The following CLDN16 variants were observed in gnomAD, a reference collection of about 807,000 sequenced individuals.
CLDN16 encodes the protein claudin-16.
A neutral mutation model predicts 24.6 loss-of-function variants in CLDN16; 13 were observed. That is an observed-to-expected ratio of 0.53 (90% confidence interval 0.34 to 0.84). The LOEUF is 0.84. Among genes scored for constraint, CLDN16 ranks in the 40% least tolerant of loss-of-function variants. The pLI is 0.01. For synonymous variants in CLDN16, 116 were observed against 106.7 expected, an observed-to-expected ratio of 1.09 and a Z score of -0.54; for missense variants, 298 against 292.7, an observed-to-expected ratio of 1.02 and a Z score of -0.13.
At chr3:190,296,766 G>T in the CLDN16 span, among the ~76,000 whole-genome samples, 1 of 151,974 alleles carries the variant, frequency 6.6e-6, no homozygotes, top group Admixed American at 6.6e-5. Flanking sequence ...TAGCCAGGAT[G>T]GTCTCGATCT....
In CLDN16 at chr3:190,402,352, C is replaced by A; in HGVS notation, c.130C>A (p.Arg44=). 1 of 1,613,780 alleles carries A rather than the reference C, an allele frequency of 6.2e-7. No homozygotes were observed. Among genetic ancestry groups the A allele is most frequent in the South Asian group, 1.1e-5 (1 of 91,076 alleles). ...TAACATCTAGGTGAGCACAAAATGC[C>A]GAGGCCTCTGGTGGGAATGCGTCAC... ...DDSLEVSTKC[R]GLWWECVTNA... is the part of the protein sequence containing the mutation. Residue 44 remains arginine (R), a synonymous_variant, in exon 2 of 5, where the codon CGA becomes AGA. Transcript: ENST00000264734.
At position 190,324,203 on chromosome 3, in the gene CLDN16, C is replaced by A. The variant is rs559717605; in HGVS notation, n.121+1542C>A. 1.7e-3 allele frequency among the ~76,000 whole-genome samples: 264 copies of A among 152,294 alleles called. 2 individuals carry two copies. Among genetic ancestry groups the A allele is most frequent in the Non-Finnish European group, 2.9e-3 (198 of 68,024 alleles). ...AAACACCCGGGCACGGTGGCTCAGG[C>A]CAGGCGCAGTGGCTCACGCCTGTAA... On this transcript the variant is annotated intron_variant and non_coding_transcript_variant, in intron 1 of 4. Transcript: ENST00000468220.
chr3:190,391,583 CA>C (rs1404520019), intron 1 of CLDN16, among the ~76,000 whole-genome samples: 6 of 152,078 alleles, frequency 3.9e-5, no homozygotes, highest in African/African-American at 1.2e-4. Context: ...TAAAGCATTT[CA>C]AATTGTAGAA....
At position 190,392,313 on chromosome 3, in the gene CLDN16, ACTCT is replaced by A. The variant is rs556909181; in HGVS notation, c.114+3877_114+3880del. ...CTCTCTCTTTTCCTCCCTTTTCTTA[ACTCT>A]CTCTCTTTCCCTCCTATATCCTTCT... On this transcript the variant is annotated intron_variant, in intron 1 of 4. Transcript: ENST00000264734. 3.8e-5 allele frequency among the ~76,000 whole-genome samples: 5 copies of A among 132,198 alleles called. No individual in the cohort carries two copies. The South Asian group carries it at 1.2e-3, about 32-fold the overall frequency. The allele number at this position is 132,198 out of a possible 152,430, so 86.7% of individuals were successfully genotyped here.
intron 3 of CLDN16, among the ~76,000 whole-genome samples, chr3:190,380,994 T>C (rs966727969): frequency 9.9e-5 from 15 of 151,936 alleles, no homozygotes; most frequent in Admixed American, 9.9e-4. Context: ...TGAGTACAAG[T>C]TGCACCCTAA....
At chr3:190,339,313 C>G (rs1404475067) in intron 1 of CLDN16, among the ~76,000 whole-genome samples, 1 of 152,166 alleles carries the variant, frequency 6.6e-6, no homozygotes, top group Non-Finnish European at 1.5e-5. Flanking sequence ...GGCTGGGTTT[C>G]TCTATGGAGA....
chr3:190,363,556 G>GTGTATATATATATATATATATA (rs1301414615), intron 1 of CLDN16, among the ~76,000 whole-genome samples: 5 of 87,394 alleles, frequency 5.7e-5, no homozygotes, highest in African/African-American at 2.4e-4. Flanking sequence ...GTGTGTGTGT[G>GTGTATATATATATATATATATA]TATATATATA....
chr3:190,296,050 G>C, the CLDN16 span, among the ~76,000 whole-genome samples: 1 of 151,986 alleles, frequency 6.6e-6, no homozygotes, highest in Non-Finnish European at 1.5e-5. Flanking sequence ...GAGCCTCATT[G>C]ATCTGACTTG....
At chr3:190,386,456 C>T (rs563709784), upstream of CLDN16, among the ~76,000 whole-genome samples, 14 of 152,028 alleles carry the variant, frequency 9.2e-5, no homozygotes, top group Non-Finnish European at 1.8e-4. Context: ...ACACACTATA[C>T]GCAACAGTAG....
At chr3:190,301,501 AAGAAG>A in the CLDN16 span, among the ~76,000 whole-genome samples, 469 of 128,254 alleles carry the variant, frequency 3.7e-3, 2 homozygotes, top group Middle Eastern at 0.016. Flanking sequence ...CTCAAAAAAA[AAGAAG>A]AAGAAGAAGA....
At chr3:190,402,105 C>T (rs990356250) in intron 1 of CLDN16, among the ~76,000 whole-genome samples, 1 of 152,130 alleles carries the variant, frequency 6.6e-6, no homozygotes, top group Non-Finnish European at 1.5e-5. Flanking sequence ...TATTTCTCTA[C>T]CCCCACCCTT....
chr3:190,316,483 G>A, the CLDN16 span, among the ~76,000 whole-genome samples: 1 of 152,196 alleles, frequency 6.6e-6, no homozygotes, highest in Non-Finnish European at 1.5e-5. Flanking sequence ...CAAGGCGTAG[G>A]TAATGATAGG....
At chr3:190,409,253 C>CACACACGTATATGT (rs1560100170) in intron 4 of CLDN16, among the ~76,000 whole-genome samples, 211 of 107,072 alleles carry the variant, frequency 2.0e-3, no homozygotes, top group African/African-American at 8.6e-3. Context: ...CACGTATATG[C>CACACACGTATATGT]ATGTATATAT....
At chr3:190,359,607 A>G (rs917606771) in intron 1 of CLDN16, among the ~76,000 whole-genome samples, 1 of 152,052 alleles carries the variant, frequency 6.6e-6, no homozygotes, top group Non-Finnish European at 1.5e-5. Flanking sequence ...AAGAGGATAT[A>G]CAATGCTCAA....
At chr3:190,294,873 G>C in the CLDN16 span, among the ~76,000 whole-genome samples, 1 of 151,972 alleles carries the variant, frequency 6.6e-6, no homozygotes, top group African/African-American at 2.4e-5. Context: ...TAAATATGAG[G>C]ATTAAATCAT....
At chr3:190,387,483 A>G (rs754540741), upstream of CLDN16, among the ~76,000 whole-genome samples, 1 of 152,234 alleles carries the variant, frequency 6.6e-6, no homozygotes, top group South Asian at 2.1e-4. Context: ...ATGCTATTCT[A>G]AGCGACTTAC....
At chr3:190,379,526 C>T (rs1490524616) in intron 3 of CLDN16, among the ~76,000 whole-genome samples, 2 of 152,040 alleles carry the variant, frequency 1.3e-5, no homozygotes, top group Non-Finnish European at 2.9e-5. Flanking sequence ...TATTAAAACC[C>T]AGAATTTAAT....
intron 1 of CLDN16, among the ~76,000 whole-genome samples, chr3:190,344,678 T>G (rs1717513838): frequency 6.6e-6 from 1 of 151,502 alleles, no homozygotes; most frequent in Non-Finnish European, 1.5e-5. Flanking sequence ...CATAAAAAAG[T>G]AGCATAAGGA....
At chr3:190,366,362 T>C (rs1718021671) in intron 1 of CLDN16, among the ~76,000 whole-genome samples, 1 of 151,846 alleles carries the variant, frequency 6.6e-6, no homozygotes, top group South Asian at 2.1e-4. Context: ...ACGCTATGAG[T>C]AATCCATCTA....
Sources: allele counts gnomAD v4.1 joint callset (sites outside exome capture counted in the v4.1 genomes callset), GRCh38; gene constraint gnomAD v4.1.1; transcripts MANE v1.5; gene names NCBI Gene and HGNC (gene_info 2026-07-23, HGNC 2026-07-21).